The following BMPR1B variants were observed in gnomAD, a reference collection of about 807,000 sequenced individuals.
BMPR1B encodes the protein bone morphogenetic protein receptor type 1B.
In BMPR1B, 12 loss-of-function variants were observed where a neutral mutation model predicts 59.1. The ratio of observed to expected loss-of-function variants is 0.20; its 90% CI spans 0.13 to 0.33. BMPR1B has a LOEUF of 0.33. Among genes scored for constraint, BMPR1B ranks in the 10% least tolerant of loss-of-function variants. The probability of loss-of-function intolerance (pLI) is 1.00; values close to 1 mark genes in which losing one functional copy is unlikely to be tolerated. For missense variants in BMPR1B, 550 were observed against 610.9 expected, an observed-to-expected ratio of 0.90 and a Z score of 1.05; for synonymous variants, 237 against 207.3, an observed-to-expected ratio of 1.14 and a Z score of -1.23.
At position 94,876,167 on chromosome 4, in the gene BMPR1B, A is replaced by T. The variant is rs540386868; in HGVS notation, c.-113+267A>T. Among the ~76,000 whole-genome samples, 4 of 152,316 alleles carry T rather than the reference A, an allele frequency of 2.6e-5. No homozygotes were observed. The East Asian group carries it at 7.7e-4, about 29-fold the overall frequency. ...TTTCATTTGAAATGTTGGCCTACAC[A>T]CTTAGTCTGTTCCTCAAACATTTAC... On this transcript the variant is annotated intron_variant, in intron 2 of 12. Coordinates refer to ENST00000515059, the MANE Select transcript of BMPR1B (RefSeq NM_001203.3).
At chr4:94,892,668 C>G (rs1727445533) in intron 2 of BMPR1B, among the ~76,000 whole-genome samples, 1 of 151,900 alleles carries the variant, frequency 6.6e-6, no homozygotes, top group Admixed American at 6.6e-5. Context: ...TGAACTGGAC[C>G]TTTAAAGACC....
intron 1 of BMPR1B, among the ~76,000 whole-genome samples, chr4:94,873,361 C>G (rs1476998741): frequency 6.6e-6 from 1 of 151,136 alleles, no homozygotes; most frequent in Non-Finnish European, 1.5e-5. Context: ...GATTTCCCAT[C>G]TCTATTTCTG....
At chr4:94,823,011 CA>C (rs1724258803) in intron 1 of BMPR1B, among the ~76,000 whole-genome samples, 1 of 152,060 alleles carries the variant, frequency 6.6e-6, no homozygotes, top group African/African-American at 2.4e-5. Flanking sequence ...GTATTAATGT[CA>C]AAAAATAAAT....
chr4:95,035,114 C>G lies in BMPR1B; in HGVS notation c.-18+38980C>G, dbSNP rs1228802370. Among the ~76,000 whole-genome samples, 6 of 152,010 alleles carry G rather than the reference C, an allele frequency of 3.9e-5. No individual in the cohort carries two copies. In the East Asian group the frequency reaches 7.7e-4, roughly 20 times the overall value. On this transcript the variant is annotated intron_variant, in intron 3 of 12. Transcript: ENST00000515059. Reference sequence around the variant, plus strand: ...ATTGTCTATTCATGCCCTTTGCCCACTTTTCAATGGGATTATTTGTTTTTT... The same window carrying G: ...ATTGTCTATTCATGCCCTTTGCCCAGTTTTCAATGGGATTATTTGTTTTTT...
intron 4 of BMPR1B, among the ~76,000 whole-genome samples, chr4:95,110,833 T>C (rs892908188): frequency 6.6e-6 from 1 of 152,172 alleles, no homozygotes; most frequent in Non-Finnish European, 1.5e-5. Context: ...GTGTAAAACA[T>C]ACCACTGTTA....
chr4:95,090,346 G>C (rs1421689501), intron 3 of BMPR1B, among the ~76,000 whole-genome samples: 1 of 151,436 alleles, frequency 6.6e-6, no homozygotes, highest in East Asian at 1.9e-4. Flanking sequence ...CTTCATTTCA[G>C]CTCTTTTTGT....
chr4:94,915,594 C>T (rs966389463), intron 2 of BMPR1B, among the ~76,000 whole-genome samples: 4 of 151,966 alleles, frequency 2.6e-5, no homozygotes, highest in African/African-American at 9.7e-5. Context: ...TTTTTGAAAT[C>T]GACACAATTA....
intron 1 of BMPR1B, among the ~76,000 whole-genome samples, chr4:94,819,143 ATTTTT>A (rs71583667): frequency 6.7e-6 from 1 of 148,372 alleles, no homozygotes; most frequent in Non-Finnish European, 1.5e-5. Context: ...CTCAAATAAA[ATTTTT>A]TTTTTTTTCT....
At chr4:94,939,271 A>G (rs556705213) in intron 2 of BMPR1B, among the ~76,000 whole-genome samples, 2 of 152,304 alleles carry the variant, frequency 1.3e-5, no homozygotes, top group South Asian at 4.1e-4. Context: ...AATTTTCTCC[A>G]CATTTCTTCT....
Position 94,898,134 on chromosome 4 carries a change from A to G in BMPR1B, c.-113+22234A>G, listed in dbSNP as rs939975388. Among the ~76,000 whole-genome samples the G allele has an allele frequency of 2.6e-5, 4 of 151,488 alleles. No homozygotes were observed. In the East Asian group the frequency reaches 7.8e-4, roughly 30 times the overall value. On this transcript the variant is annotated intron_variant, in intron 2 of 12. Coordinates refer to ENST00000515059, the MANE Select transcript of BMPR1B (RefSeq NM_001203.3). ...GATTGTTTTTTAAAAATTTTTTTCT[A>G]GAGATGGGAGTCTCACTATGTTACC... is the stretch of plus-strand genomic sequence containing the variant.
intron 1 of BMPR1B, among the ~76,000 whole-genome samples, chr4:94,759,300 A>G (rs1345703148): frequency 1.3e-5 from 2 of 152,228 alleles, no homozygotes; most frequent in Non-Finnish European, 2.9e-5. Context: ...CCAACAGATA[A>G]AGAAAATGTG....
intron 3 of BMPR1B, among the ~76,000 whole-genome samples, chr4:95,020,350 C>T (rs1301820517): frequency 6.6e-6 from 1 of 152,080 alleles, no homozygotes; most frequent in Non-Finnish European, 1.5e-5. Flanking sequence ...GAGGCCGAGG[C>T]GGGCAGATCA....
intron 2 of BMPR1B, among the ~76,000 whole-genome samples, chr4:94,987,612 A>G (rs1374540794): frequency 2.0e-5 from 3 of 152,064 alleles, no homozygotes; most frequent in Non-Finnish European, 4.4e-5. Flanking sequence ...GTCTTAGGGA[A>G]TCCACCAATC....
rs549825231 is a variant in BMPR1B at position 95,147,275 on chromosome 4, A to G, written c.1077-1473A>G. 1.1e-4 allele frequency among the ~76,000 whole-genome samples: 16 copies of G among 152,308 alleles called. No homozygotes were observed. In the South Asian group the frequency reaches 3.3e-3, roughly 32 times the overall value. On this transcript the variant is annotated intron_variant, in intron 10 of 12. Transcript: ENST00000515059. Reference sequence around the variant, plus strand: ...AAAATGTTCTAAAATGAAGTTTTGCATTTTATGTTTTAGTAAATGTAAAAA... The same window carrying G: ...AAAATGTTCTAAAATGAAGTTTTGCGTTTTATGTTTTAGTAAATGTAAAAA...
intron 3 of BMPR1B, among the ~76,000 whole-genome samples, chr4:95,082,930 C>G (rs1310416958): frequency 6.9e-6 from 1 of 145,180 alleles, no homozygotes; most frequent in Non-Finnish European, 1.5e-5. Context: ...CCCAGCTACT[C>G]AAGAGGCTGA....
At chr4:95,109,662 A>G (rs1163314769) in intron 4 of BMPR1B, among the ~76,000 whole-genome samples, 1 of 150,844 alleles carries the variant, frequency 6.6e-6, no homozygotes, top group Non-Finnish European at 1.5e-5. Context: ...AAACCATTGC[A>G]CCTAAGAGAA....
rs1540404 is a variant in BMPR1B, at chr4:95,149,146, C to T, written c.1252+223C>T. Among the ~76,000 whole-genome samples the T allele has an allele frequency of 0.48, 72,445 of 151,612 alleles. 18,363 individuals are homozygous for T. Among genetic ancestry groups the T allele is most frequent in the Admixed American group, 0.59 (9,062 of 15,234 alleles). ...AGCTGCCACTAGACACACTGTCAGC[C>T]TACCCTGCTTTTTCAAGCATCACTG... On this transcript the variant is annotated intron_variant, in intron 11 of 12. Transcript: ENST00000515059.
chr4:94,897,941 CTTTTTT>C (rs869186341), intron 2 of BMPR1B, among the ~76,000 whole-genome samples: 4 of 90,330 alleles, frequency 4.4e-5, no homozygotes, highest in Non-Finnish European at 6.5e-5. Context: ...AATTCTTTTC[CTTTTTT>C]TTTTTTTTTT....
chr4:94,975,182 A>G (rs940396479), intron 2 of BMPR1B, among the ~76,000 whole-genome samples: 1 of 152,072 alleles, frequency 6.6e-6, no homozygotes, highest in Non-Finnish European at 1.5e-5. Flanking sequence ...CAGCCAGAAT[A>G]TAGATAGGAC....
Sources: gnomAD v4.1 joint callset for allele counts (sites outside exome capture counted in the v4.1 genomes callset) on GRCh38, gnomAD v4.1.1 for gene constraint, MANE v1.5 for transcripts, NCBI Gene and HGNC (gene_info 2026-07-23, HGNC 2026-07-21) for gene names.